The following PLAGL1 variants were observed in gnomAD, a reference collection of about 807,000 sequenced individuals.
The protein encoded by PLAGL1 is PLAG1 like zinc finger 1, also known as zinc finger protein PLAGL1.
A neutral mutation model predicts 4.6 loss-of-function variants in PLAGL1; 1 was observed. The observed-to-expected ratio is 0.22, with a 90% CI of 0.08 to 1.03. The LOEUF is 1.03. Among genes scored for constraint, PLAGL1 ranks in the 50% least tolerant of loss-of-function variants. The pLI is 0.58. For missense variants in PLAGL1, 464 were observed against 570.4 expected (o/e 0.81, Z 1.90); for synonymous variants, 240 against 237.8 (o/e 1.01, Z -0.08).
In PLAGL1 at chr6:144,000,102, C is replaced by T. The variant is rs1168949743; in HGVS notation, c.-584+7988G>A. The stretch of plus-strand genomic sequence containing the variant: ...ATACTTAATAAAATCCAATACAATT[C>T]ATGATATAAAACTCTTAGAGAACTA... On this transcript the variant is annotated intron_variant, in intron 1 of 7. Transcript: ENST00000674357. The surrounding 1 kb of genome is among the most constrained non-coding windows in gnomAD (Gnocchi z 4.1). Among the ~76,000 whole-genome samples the T allele has an allele frequency of 6.6e-6, 1 of 152,156 alleles. No individual in the cohort carries two copies. Among genetic ancestry groups the T allele is most frequent in the Non-Finnish European group, 1.5e-5 (1 of 68,004 alleles).
chr6:143,996,613 CT>C (rs113499225), intron 1 of PLAGL1, among the ~76,000 whole-genome samples: 41,988 of 133,426 alleles, frequency 0.31, 5,839 homozygotes, highest in East Asian at 0.4. Flanking sequence ...TATTTATTCC[CT>C]TTTTTTTTTT....
chr6:144,034,027 C>T lies in PLAGL1; in HGVS notation c.-151+30441G>A, dbSNP rs1797033011. Among the ~76,000 whole-genome samples, 1 of 152,206 alleles carries T rather than the reference C, an allele frequency of 6.6e-6. No individual in the cohort carries two copies. The highest frequency in any genetic ancestry group is 1.5e-5 in the Non-Finnish European group (1 of 68,032). ...ATGCAAAATCAAAAACACATGGATGCTTTTACTACACTACAGACATGGTCT... is the reference window on the plus strand; with the variant it reads ...ATGCAAAATCAAAAACACATGGATGTTTTTACTACACTACAGACATGGTCT... On this transcript the variant is annotated intron_variant, in intron 1 of 3. Transcript: ENST00000437412. The surrounding 1 kb of genome is among the most constrained non-coding windows in gnomAD (Gnocchi z 4.7).
chr6:144,030,042 A>G (rs1161855841), intron 1 of PLAGL1, among the ~76,000 whole-genome samples: 1 of 152,132 alleles, frequency 6.6e-6, no homozygotes, highest in Non-Finnish European at 1.5e-5. Flanking sequence ...TCATGAGGTC[A>G]GGAGATCGAG....
rs1798380871 is a variant in PLAGL1 at position 144,048,971 on chromosome 6, C to T, written c.-151+15497G>A. 6.6e-5 allele frequency among the ~76,000 whole-genome samples: 10 copies of T among 152,340 alleles called. No homozygotes were observed. In the South Asian group the frequency reaches 2.1e-3, roughly 32 times the overall value. ...CTTTGTGAATGCATAAGATTGAATGCTTTCAAAATCAACCAGGTCACCTCT... is the reference window on the plus strand; with the variant it reads ...CTTTGTGAATGCATAAGATTGAATGTTTTCAAAATCAACCAGGTCACCTCT... On this transcript the variant is annotated intron_variant, in intron 1 of 3. Transcript: ENST00000437412. This position sits in a 1 kb window ranked among gnomAD's most constrained non-coding sequence, Gnocchi z 4.8.
rs1366825555 is a variant in PLAGL1, at chr6:143,941,272, G to C, written c.*152C>G. The C allele has an allele frequency of 5.2e-6, 3 of 575,536 alleles. No homozygotes were observed. Among genetic ancestry groups the C allele is most frequent in the Non-Finnish European group, 8.8e-6 (3 of 342,484 alleles). The allele number at this position is 575,536 out of a possible 1,614,324, so 35.7% of individuals were successfully genotyped here. A position where few individuals can be genotyped will look rare whatever the true frequency, so the allele number is the denominator to read the frequency against. On this transcript the variant is annotated 3_prime_UTR_variant, in exon 8 of 8. Coordinates refer to ENST00000674357, the MANE Select transcript of PLAGL1 (RefSeq NM_001317162.2). This position sits in a 1 kb window ranked among gnomAD's most constrained non-coding sequence, Gnocchi z 6.0. ...AGGACAGATTGGCACAATACATGCA[G>C]TTCGAGAATTCTCTTATCATCTCAA...
rs534211142 is a variant in PLAGL1, at chr6:144,050,216, C to T, written c.-151+14252G>A. Among the ~76,000 whole-genome samples the T allele has an allele frequency of 5.5e-4, 84 of 152,278 alleles. No homozygotes were observed. Among genetic ancestry groups the T allele is most frequent in the African/African-American group, 1.9e-3 (79 of 41,560 alleles). On this transcript the variant is annotated intron_variant, in intron 1 of 3. Transcript: ENST00000437412. The surrounding 1 kb of genome is among the most constrained non-coding windows in gnomAD (Gnocchi z 4.3). ...AACAAGAGATTCACATTGCCCAGAA[C>T]GTACTCATTCCAGGACAATACACCC...
In PLAGL1 at chr6:144,016,666, G is replaced by A. The variant is rs1284226365; in HGVS notation, c.-150-47688C>T. On this transcript the variant is annotated intron_variant, in intron 1 of 3. Coordinates refer to the PLAGL1 transcript ENST00000437412. This position sits in a 1 kb window ranked among gnomAD's most constrained non-coding sequence, Gnocchi z 4.2. ...AGGTGATAGAAATGTTCTACCTCTT[G>A]GTTAGTAAGAAGATTGCATTGGGGC... Among the ~76,000 whole-genome samples, 2 of 152,166 alleles carry A rather than the reference G, an allele frequency of 1.3e-5. No individual in the cohort carries two copies. The highest frequency in any genetic ancestry group is 2.9e-5 in the Non-Finnish European group (2 of 68,034).
chr6:144,024,410 C>A (rs1242576917), intron 1 of PLAGL1, among the ~76,000 whole-genome samples: 1 of 152,150 alleles, frequency 6.6e-6, no homozygotes, highest in Non-Finnish European at 1.5e-5. Flanking sequence ...AGGTGGAGAT[C>A]ATTGAGTCAT....
rs745781639 is a variant in PLAGL1 at position 143,942,618 on chromosome 6, G to A, written c.198C>T (p.His66=). 1 of 1,613,860 alleles carries A rather than the reference G, an allele frequency of 6.2e-7. No individual in the cohort carries two copies. Among genetic ancestry groups the A allele is most frequent in the Non-Finnish European group, 8.5e-7 (1 of 1,179,880 alleles). Residue 66 remains histidine, a synonymous_variant, in exon 8 of 8, where the codon CAC becomes CAT. Transcript: ENST00000674357. The surrounding 1 kb of genome is among the most constrained non-coding windows in gnomAD (Gnocchi z 7.6). ...HSPQKSHQCA[H]CEKTFNRKDH... is the part of the protein sequence containing the mutation. The stretch of plus-strand genomic sequence containing the variant: ...CTTTCCGGTTGAACGTCTTCTCACA[G>A]TGAGCACACTGGTGAGATTTCTGGG...
rs571326035 is a variant in PLAGL1 at position 143,948,273 on chromosome 6, C to T, written c.-137G>A. ...CTCCAGACCACGGGAGAGGCAGCAT[C>T]GTGGGCCTGGTTCTACCCAGACATG... On this transcript the variant is annotated 5_prime_UTR_variant, in exon 7 of 8. Coordinates refer to ENST00000674357, the MANE Select transcript of PLAGL1 (RefSeq NM_001317162.2). The surrounding 1 kb of genome is among the most constrained non-coding windows in gnomAD (Gnocchi z 6.0). The T allele has an allele frequency of 2.2e-4, 158 of 722,486 alleles. No individual in the cohort carries two copies. Among genetic ancestry groups the T allele is most frequent in the Middle Eastern group, 1.6e-3 (4 of 2,498 alleles). 44.8% of individuals were successfully genotyped at this position (722,486 alleles called of 1,614,324 possible).
rs909072473 is a variant in PLAGL1, at chr6:144,019,889, A to G, written c.-151+44579T>C. On this transcript the variant is annotated intron_variant, in intron 1 of 3. Transcript: ENST00000437412. ...AGGAACTGCTGGAACAACTCCCACA[A>G]ATGTAGAAATGCATAGCTCCCAACC... Among the ~76,000 whole-genome samples the G allele has an allele frequency of 3.9e-5, 6 of 152,118 alleles. No individual in the cohort carries two copies. In the East Asian group the frequency reaches 7.7e-4, roughly 20 times the overall value.
Position 143,952,714 on chromosome 6 carries a change from C to T in PLAGL1, c.-324-4254G>A, listed in dbSNP as rs769568628. On this transcript the variant is annotated intron_variant, in intron 6 of 7. Coordinates refer to ENST00000674357, the MANE Select transcript of PLAGL1 (RefSeq NM_001317162.2). The surrounding 1 kb of genome is among the most constrained non-coding windows in gnomAD (Gnocchi z 6.1). ...ACATAACACATCATCTAATGGGGCA[C>T]AACTGCTTTACAACATTCTTAAAAT... 3.9e-5 allele frequency among the ~76,000 whole-genome samples: 6 copies of T among 152,146 alleles called. No homozygotes were observed. Among genetic ancestry groups the T allele is most frequent in the Non-Finnish European group, 8.8e-5 (6 of 68,034 alleles).
At position 143,972,120 on chromosome 6, in the gene PLAGL1, G is replaced by C. The variant is rs572445649; in HGVS notation, c.-543-3142C>G. 6.6e-6 allele frequency among the ~76,000 whole-genome samples: 1 copy of C among 152,334 alleles called. No homozygotes were observed. The highest frequency in any genetic ancestry group is 2.4e-5 in the African/African-American group (1 of 41,572). On this transcript the variant is annotated intron_variant, in intron 2 of 7. Coordinates refer to ENST00000674357, the MANE Select transcript of PLAGL1 (RefSeq NM_001317162.2). The surrounding 1 kb of genome is among the most constrained non-coding windows in gnomAD (Gnocchi z 6.8). Reference sequence around the variant, plus strand: ...CAGGTTCTCCCAAAATTTAGTATTTGCAGTTGAAACTGTGATAAGTAATTA... The same window carrying C: ...CAGGTTCTCCCAAAATTTAGTATTTCCAGTTGAAACTGTGATAAGTAATTA...
chr6:143,959,678 T>G lies in PLAGL1; in HGVS notation c.-325+791A>C, dbSNP rs964096995. Among the ~76,000 whole-genome samples the G allele has an allele frequency of 3.9e-5, 6 of 152,190 alleles. No individual in the cohort carries two copies. Among genetic ancestry groups the G allele is most frequent in the Non-Finnish European group, 8.8e-5 (6 of 68,040 alleles). On this transcript the variant is annotated intron_variant, in intron 6 of 7. Transcript: ENST00000674357. The surrounding 1 kb of genome is among the most constrained non-coding windows in gnomAD (Gnocchi z 5.3). Reference sequence around the variant, plus strand: ...GTAGAAGGGCATCATTGTCCCCATTTCACAAATGAGGAAACTGAGGCTCAG... The same window carrying G: ...GTAGAAGGGCATCATTGTCCCCATTGCACAAATGAGGAAACTGAGGCTCAG...
chr6:144,009,694 G>T (rs1300100553), upstream of PLAGL1, among the ~76,000 whole-genome samples: 1 of 143,688 alleles, frequency 7.0e-6, no homozygotes, highest in Non-Finnish European at 1.5e-5. Flanking sequence ...ACAGGCCCCA[G>T]TGTGTGATGT....
rs1783669956 is a variant in PLAGL1 at position 143,962,925 on chromosome 6, T to G, written c.-399+1862A>C. Among the ~76,000 whole-genome samples, 1 of 152,242 alleles carries G rather than the reference T, an allele frequency of 6.6e-6. No homozygotes were observed. Among genetic ancestry groups the G allele is most frequent in the African/African-American group, 2.4e-5 (1 of 41,454 alleles). The stretch of plus-strand genomic sequence containing the variant: ...GTTTTTGAAAAGCCTCTCGAATATG[T>G]TTTATTTTATTTTCCAGATGGAAAG... On this transcript the variant is annotated intron_variant, in intron 5 of 7. Coordinates refer to ENST00000674357, the MANE Select transcript of PLAGL1 (RefSeq NM_001317162.2). This position sits in a 1 kb window ranked among gnomAD's most constrained non-coding sequence, Gnocchi z 5.3.
At chr6:143,987,947 G>A (rs1162081423) in intron 1 of PLAGL1, among the ~76,000 whole-genome samples, 1 of 152,152 alleles carries the variant, frequency 6.6e-6, no homozygotes, top group African/African-American at 2.4e-5. Flanking sequence ...AAGCCTCCTT[G>A]AAGTTTAACA....
Position 143,945,726 on chromosome 6 carries a change from C to T in PLAGL1, c.152+2259G>A, listed in dbSNP as rs961849069. Among the ~76,000 whole-genome samples, 2 of 152,178 alleles carry T rather than the reference C, an allele frequency of 1.3e-5. No individual in the cohort carries two copies. Among genetic ancestry groups the T allele is most frequent in the Non-Finnish European group, 1.5e-5 (1 of 68,036 alleles). On this transcript the variant is annotated intron_variant, in intron 7 of 7. Transcript: ENST00000674357. This position sits in a 1 kb window ranked among gnomAD's most constrained non-coding sequence, Gnocchi z 4.2. ...TGTTGACCTCATGATCCACCCACCT[C>T]GGCCTCCCAAAGTGCTGGGATTACA...
At chr6:144,003,244 T>G (rs1331059530) in intron 1 of PLAGL1, among the ~76,000 whole-genome samples, 1 of 152,040 alleles carries the variant, frequency 6.6e-6, no homozygotes, top group Non-Finnish European at 1.5e-5. Flanking sequence ...CCTCACACCA[T>G]ACACAAAAAT....
Sources: gnomAD v4.1 joint callset for allele counts (sites outside exome capture counted in the v4.1 genomes callset) on GRCh38, gnomAD v4.1.1 for gene constraint, Gnocchi (gnomAD v3.1) non-coding constraint, MANE v1.5 for transcripts, NCBI Gene and HGNC (gene_info 2026-07-23, HGNC 2026-07-21) for gene names.